Variants in CENPK observed in about 807,000 individuals in gnomAD.
CENPK encodes the protein SoxLZ/Sox6-binding protein Solt.
In CENPK, 46 loss-of-function variants were observed where a neutral mutation model predicts 40.9. The ratio of observed to expected loss-of-function variants is 1.13; its 90% CI spans 0.89 to 1.44. The LOEUF (loss-of-function observed/expected upper bound fraction) is 1.44. Ranked by LOEUF, CENPK falls within the 40% of genes most tolerant of loss-of-function variation. CENPK has a pLI of 0.00. For synonymous variants in CENPK, 107 were observed against 104.4 expected (o/e 1.02, Z -0.15); for missense variants, 288 against 303.5 (o/e 0.95, Z 0.38).
the CENPK span, among the ~76,000 whole-genome samples, chr5:65,495,771 A>G: frequency 1.3e-5 from 2 of 152,202 alleles, no homozygotes; most frequent in Non-Finnish European, 2.9e-5. Flanking sequence ...CCAGTAATCT[A>G]TGAAAAAAAG....
At position 65,528,957 on chromosome 5, in the gene CENPK, A is replaced by T. The variant is rs141033147; in HGVS notation, c.432T>A (p.Ser144Arg). 3.6e-5 allele frequency: 57 copies of T among 1,600,618 alleles called. No homozygotes were observed. Among genetic ancestry groups the T allele is most frequent in the Middle Eastern group, 1.7e-4 (1 of 6,024 alleles). Residue 144 changes from serine to arginine, a missense_variant, in exon 8 of 11, where the codon AGT (serine) becomes AGA (arginine). Transcript: ENST00000396679. ...QIMESLNVLH[S>R]ELKNKVETFS... is the part of the protein sequence containing the mutation. Reference sequence around the variant, plus strand: ...ATGTTTCAACCTTATTTTTCAATTCACTGTGTAGTACATTAAGAGATTCCA... The same window carrying T: ...ATGTTTCAACCTTATTTTTCAATTCTCTGTGTAGTACATTAAGAGATTCCA...
At chr5:65,559,644 A>G (rs1751624246) in intron 2 of CENPK, among the ~76,000 whole-genome samples, 1 of 151,844 alleles carries the variant, frequency 6.6e-6, no homozygotes, top group South Asian at 2.1e-4. Flanking sequence ...AAAAAAAAAA[A>G]AAAAATTTAC....
At chr5:65,526,390 C>T (rs1375014119) in intron 9 of CENPK, among the ~76,000 whole-genome samples, 1 of 152,002 alleles carries the variant, frequency 6.6e-6, no homozygotes, top group Non-Finnish European at 1.5e-5. Context: ...AGACACAGCC[C>T]ATAACAAATG....
chr5:65,496,085 C>T, the CENPK span, among the ~76,000 whole-genome samples: 3 of 152,118 alleles, frequency 2.0e-5, no homozygotes, highest in Non-Finnish European at 1.5e-5. Flanking sequence ...GGCAAAACCC[C>T]GTCTCTACAA....
chr5:65,554,997 A>G (rs1192514493), intron 2 of CENPK, 51 bp from the exon 3 acceptor site: 2 of 792,108 alleles, frequency 2.5e-6, no homozygotes, highest in East Asian at 4.9e-5. Context: ...AACACTTATT[A>G]CCTGCCAGAT....
the CENPK span, among the ~76,000 whole-genome samples, chr5:65,505,974 C>T: frequency 1.3e-5 from 2 of 152,204 alleles, no homozygotes; most frequent in Non-Finnish European, 2.9e-5. Flanking sequence ...TAAGAGTTAT[C>T]CTACTTGCAG....
At chr5:65,537,171 TACAG>T (rs1229541432) in intron 6 of CENPK, among the ~76,000 whole-genome samples, 2 of 152,242 alleles carry the variant, frequency 1.3e-5, no homozygotes, top group Non-Finnish European at 2.9e-5. Context: ...GAAACATTAA[TACAG>T]ACAAAGAAAA....
chr5:65,504,708 G>A, the CENPK span, among the ~76,000 whole-genome samples: 75 of 152,104 alleles, frequency 4.9e-4, no homozygotes, highest in Non-Finnish European at 9.0e-4. Context: ...TCTGAAGTAC[G>A]ATATCCCTGT....
At position 65,528,979 on chromosome 5, in the gene CENPK, T is replaced by A; in HGVS notation, c.410A>T (p.Glu137Val). The change falls in exon 8 of 11, where the codon GAA becomes GTA. Residue 137 changes from glutamate to valine, a missense_variant. By Grantham distance (121) the Glu-to-Val change is moderately radical. Coordinates refer to ENST00000396679, the MANE Select transcript of CENPK (RefSeq NM_022145.5). ...RWLDEQQQIM[E>V]SLNVLHSELK... is the part of the protein sequence containing the mutation. ...TTCACTGTGTAGTACATTAAGAGAT[T>A]CCATTATCTGTTGCTGTTCATCCAA... The A allele has an allele frequency of 6.2e-7, 1 of 1,610,800 alleles. No individual in the cohort carries two copies. Among genetic ancestry groups the A allele is most frequent in the Non-Finnish European group, 8.5e-7 (1 of 1,178,012 alleles).
chr5:65,535,701 T>C (rs1418561549), intron 6 of CENPK, among the ~76,000 whole-genome samples: 1 of 152,210 alleles, frequency 6.6e-6, no homozygotes, highest in Non-Finnish European at 1.5e-5. Flanking sequence ...TTTTCCTTTG[T>C]TCATTGTAAT....
intron 6 of CENPK, among the ~76,000 whole-genome samples, chr5:65,539,365 A>C (rs1461110777): frequency 6.6e-6 from 1 of 152,214 alleles, no homozygotes; most frequent in African/African-American, 2.4e-5. Context: ...TTGATCTCCA[A>C]CTGTGAACTT....
chr5:65,543,025 C>A (rs534381930), intron 5 of CENPK, among the ~76,000 whole-genome samples, 177 bp from the exon 6 acceptor site: 2 of 152,116 alleles, frequency 1.3e-5, no homozygotes, highest in Non-Finnish European at 2.9e-5. Flanking sequence ...AGTGCAATGG[C>A]GCTATTTGGC....
chr5:65,520,004 G>A (rs1180663899), intron 10 of CENPK, among the ~76,000 whole-genome samples: 1 of 152,268 alleles, frequency 6.6e-6, no homozygotes, highest in Admixed American at 6.5e-5. Flanking sequence ...CTAATGCTAA[G>A]TTTTATATGC....
chr5:65,541,266 C>G (rs1747925478), intron 6 of CENPK: 3 of 413,746 alleles, frequency 7.3e-6, no homozygotes, highest in African/African-American at 6.1e-5. Flanking sequence ...AGTCAGAATA[C>G]AGGCGACAAT....
chr5:65,500,431 A>C, the CENPK span, among the ~76,000 whole-genome samples: 1 of 142,576 alleles, frequency 7.0e-6, no homozygotes, highest in Non-Finnish European at 1.5e-5. Flanking sequence ...GATGATGAGC[A>C]TTTCTTCATG....
At chr5:65,497,449 A>G in the CENPK span, among the ~76,000 whole-genome samples, 7 of 152,326 alleles carry the variant, frequency 4.6e-5, no homozygotes, top group Middle Eastern at 0.014. Context: ...AATATGGACA[A>G]TCACAACATG....
chr5:65,512,261 A>G, the CENPK span, among the ~76,000 whole-genome samples: 1 of 152,348 alleles, frequency 6.6e-6, no homozygotes, highest in East Asian at 1.9e-4. Flanking sequence ...GATTTAGAAT[A>G]TTACATAAAC....
chr5:65,525,994 T>C (rs957593839), intron 9 of CENPK, among the ~76,000 whole-genome samples: 4 of 152,158 alleles, frequency 2.6e-5, no homozygotes, highest in African/African-American at 9.7e-5. Context: ...TACAGTATTG[T>C]TGGGGAGAGA....
intron 5 of CENPK, among the ~76,000 whole-genome samples, chr5:65,549,072 G>C (rs578098843): frequency 1.3e-5 from 2 of 152,322 alleles, no homozygotes; most frequent in Admixed American, 6.5e-5. Flanking sequence ...TAAGACTTCA[G>C]TTGAGGTGGC....
Sources: allele counts gnomAD v4.1 joint callset (sites outside exome capture counted in the v4.1 genomes callset), GRCh38; gene constraint gnomAD v4.1.1; transcripts MANE v1.5; gene names NCBI Gene and HGNC (gene_info 2026-07-23, HGNC 2026-07-21).